The following PDE10A variants were observed in gnomAD, a reference collection of about 807,000 sequenced individuals.
PDE10A encodes phosphodiesterase 10A.
A neutral mutation model predicts 97.7 loss-of-function variants in PDE10A; 39 were observed. The ratio of observed to expected loss-of-function variants is 0.40; its 90% CI spans 0.31 to 0.52. PDE10A has a LOEUF of 0.52. Ranked by LOEUF, PDE10A falls within the 20% of genes least tolerant of loss-of-function variation. The pLI is 0.56. For missense variants in PDE10A, 731 were observed against 1,047.8 expected (o/e 0.70, Z 4.17); for synonymous variants, 371 against 376.8 (o/e 0.98, Z 0.18).
chr6:165,835,117 G>A (rs1233237149), intron 1 of PDE10A, among the ~76,000 whole-genome samples: 1 of 152,168 alleles, frequency 6.6e-6, no homozygotes, highest in Admixed American at 6.5e-5. Context: ...AGAGAGGTGG[G>A]GAAGGGCCGT....
intron 1 of PDE10A, among the ~76,000 whole-genome samples, chr6:165,922,279 C>G (rs2128488591): frequency 6.6e-6 from 1 of 152,286 alleles, no homozygotes; most frequent in East Asian, 1.9e-4. Flanking sequence ...GACAGCAGGA[C>G]TCCTGTGGCC....
intron 8 of PDE10A, 113 bp from the exon 9 acceptor site, chr6:165,430,458 G>T (rs961381553): frequency 3.3e-6 from 2 of 604,214 alleles, no homozygotes; most frequent in Admixed American, 3.2e-5. Flanking sequence ...ACAATCACTT[G>T]GGTTATAATG....
At chr6:165,776,619 T>C (rs1284888767) in intron 1 of PDE10A, among the ~76,000 whole-genome samples, 6 of 152,246 alleles carry the variant, frequency 3.9e-5, no homozygotes, top group Admixed American at 1.3e-4. Flanking sequence ...CTCCGTATTA[T>C]GCTCTTCAAC....
chr6:165,598,330 G>A (rs966764435), intron 1 of PDE10A, among the ~76,000 whole-genome samples: 1 of 152,200 alleles, frequency 6.6e-6, no homozygotes, highest in Non-Finnish European at 1.5e-5. Context: ...CTTAAAAACA[G>A]AATGTTTAAG....
At chr6:165,598,721 A>G (rs530870374) in intron 1 of PDE10A, among the ~76,000 whole-genome samples, 3 of 152,340 alleles carry the variant, frequency 2.0e-5, no homozygotes, top group African/African-American at 7.2e-5. Context: ...CTCATACAAT[A>G]GGTAGAATCA....
chr6:165,954,395 C>G (rs1257599197), intron 1 of PDE10A, among the ~76,000 whole-genome samples: 1 of 152,158 alleles, frequency 6.6e-6, no homozygotes, highest in African/African-American at 2.4e-5. Flanking sequence ...TCTTAAAGAT[C>G]ACACACACTC....
intron 1 of PDE10A, among the ~76,000 whole-genome samples, chr6:165,978,107 A>G (rs191689899): frequency 2.8e-4 from 42 of 152,378 alleles, no homozygotes; most frequent in African/African-American, 9.6e-4. Flanking sequence ...CAAGGGGCAC[A>G]GGAAGCCTTC....
chr6:165,388,893 C>A lies in PDE10A; in HGVS notation c.2455-440G>T, dbSNP rs538681370. The stretch of plus-strand genomic sequence containing the variant: ...AATAAATATAACAGGTAAATCATAT[C>A]GCATGTAAAAATGGCAAATATATAG... On this transcript the variant is annotated intron_variant, in intron 16 of 21. Coordinates refer to ENST00000539869, the MANE Select transcript of PDE10A (RefSeq NM_001385079.1). The surrounding 1 kb of genome is among the most constrained non-coding windows in gnomAD (Gnocchi z 4.0). 6.6e-6 allele frequency among the ~76,000 whole-genome samples: 1 copy of A among 152,042 alleles called. No homozygotes were observed. Among genetic ancestry groups the A allele is most frequent in the Non-Finnish European group, 1.5e-5 (1 of 68,022 alleles).
chr6:165,761,866 T>C (rs1364854593), intron 1 of PDE10A, among the ~76,000 whole-genome samples: 1 of 152,234 alleles, frequency 6.6e-6, no homozygotes, highest in African/African-American at 2.4e-5. Context: ...GAAGTAACTA[T>C]GTAACTAGCA....
In PDE10A at chr6:165,745,275, C is replaced by T. The variant is rs78010091; in HGVS notation, c.-614-201707G>A. On this transcript the variant is annotated intron_variant, in intron 1 of 19. Coordinates refer to the PDE10A transcript ENST00000366882. ...ATTGTTAGCTACTTGTATTATCCGC[C>T]ATATATATTGCCCCTTGCCCCTCAC... Among the ~76,000 whole-genome samples the T allele has an allele frequency of 2.6e-5, 4 of 152,242 alleles. No individual in the cohort carries two copies. The East Asian group carries it at 5.8e-4, about 22-fold the overall frequency.
intron 1 of PDE10A, among the ~76,000 whole-genome samples, chr6:165,721,024 A>G (rs1314830547): frequency 6.6e-6 from 1 of 152,266 alleles, no homozygotes; most frequent in Non-Finnish European, 1.5e-5. Flanking sequence ...AGTGTTAGGC[A>G]TTAAGAATGT....
chr6:165,890,162 G>C (rs1781752064), intron 1 of PDE10A, among the ~76,000 whole-genome samples: 1 of 151,690 alleles, frequency 6.6e-6, no homozygotes, highest in African/African-American at 2.4e-5. Flanking sequence ...ATGTCATTTA[G>C]AGTCATTTAG....
In PDE10A at chr6:165,397,681, G is replaced by A. The variant is rs549324537; in HGVS notation, c.2077-1222C>T. Among the ~76,000 whole-genome samples, 22 of 119,626 alleles carry A rather than the reference G, an allele frequency of 1.8e-4. No homozygotes were observed. In the South Asian group the frequency reaches 3.3e-3, roughly 18 times the overall value. 78.5% of individuals were successfully genotyped at this position (119,626 alleles called of 152,430 possible). A position where few individuals can be genotyped will look rare whatever the true frequency, so the allele number is the denominator to read the frequency against. The stretch of plus-strand genomic sequence containing the variant: ...GGCGCCATTGCACTCTAGCCTGGGC[G>A]ACAACGGTGAAACTCCATCTCAAAA... On this transcript the variant is annotated intron_variant, in intron 13 of 21. Coordinates refer to ENST00000539869, the MANE Select transcript of PDE10A (RefSeq NM_001385079.1).
At chr6:165,450,463 T>A in intron 3 of PDE10A, 101 bp from the exon 4 acceptor site, 3 of 472,048 alleles carry the variant, frequency 6.4e-6, no homozygotes. Flanking sequence ...TGACTTAATA[T>A]ACTAAGTTAT....
At chr6:165,952,406 C>T (rs1415364053) in intron 1 of PDE10A, among the ~76,000 whole-genome samples, 1 of 152,224 alleles carries the variant, frequency 6.6e-6, no homozygotes, top group Non-Finnish European at 1.5e-5. Context: ...AATGAAGCCA[C>T]AACAGGAACC....
At chr6:165,384,270 TGTA>T (rs1785110768) in intron 17 of PDE10A, among the ~76,000 whole-genome samples, 1 of 151,858 alleles carries the variant, frequency 6.6e-6, no homozygotes, top group African/African-American at 2.4e-5. Flanking sequence ...ACTTGGGAGC[TGTA>T]GTGGTCAGAG....
chr6:165,987,079 G>A (rs1020601546), intron 1 of PDE10A, among the ~76,000 whole-genome samples: 1 of 152,090 alleles, frequency 6.6e-6, no homozygotes, highest in Non-Finnish European at 1.5e-5. Flanking sequence ...GAGGAAGGAA[G>A]TTGCGGTGCA....
intron 1 of PDE10A, among the ~76,000 whole-genome samples, chr6:165,676,433 G>A (rs773582118): frequency 4.6e-5 from 7 of 152,242 alleles, no homozygotes; most frequent in Non-Finnish European, 1.0e-4. Context: ...ACCTGGCCAT[G>A]TGGGAAACCG....
intron 1 of PDE10A, among the ~76,000 whole-genome samples, chr6:165,959,316 C>G (rs890787414): frequency 2.0e-5 from 3 of 151,918 alleles, no homozygotes; most frequent in African/African-American, 7.3e-5. Flanking sequence ...TGGGAGGAGG[C>G]AAGTGAGGGA....
Sources: allele counts gnomAD v4.1 joint callset (sites outside exome capture counted in the v4.1 genomes callset), GRCh38; gene constraint gnomAD v4.1.1; non-coding constraint Gnocchi (gnomAD v3.1); transcripts MANE v1.5; gene names NCBI Gene and HGNC (gene_info 2026-07-23, HGNC 2026-07-21).